CYSLTR2: variants seen among roughly 807,000 people sequenced by gnomAD.
CYSLTR2 encodes cysteinyl leukotriene receptor 2.
For synonymous variants in CYSLTR2, 179 were observed against 160.8 expected (o/e 1.11, Z -0.86); for missense variants, 398 against 411.9 (o/e 0.97, Z 0.29).
chr13:48,660,443 T>C (rs1953099272), intron 1 of CYSLTR2, among the ~76,000 whole-genome samples: 1 of 152,140 alleles, frequency 6.6e-6, no homozygotes, highest in African/African-American at 2.4e-5. Context: ...AAGTGACTCA[T>C]ACTTTGGGGG....
intron 1 of CYSLTR2, among the ~76,000 whole-genome samples, chr13:48,660,463 G>T (rs1274153417): frequency 1.3e-5 from 2 of 152,204 alleles, no homozygotes; most frequent in African/African-American, 4.8e-5. Context: ...GCTCCTTGAG[G>T]CACTTTGTGG....
chr13:48,684,718 A>G (rs1953852828), intron 1 of CYSLTR2, among the ~76,000 whole-genome samples: 1 of 152,142 alleles, frequency 6.6e-6, no homozygotes, highest in Non-Finnish European at 1.5e-5. Context: ...AACCCCAGGT[A>G]CCTGTGAAAG....
rs1455620025 is a variant in CYSLTR2 at position 48,710,773 on chromosome 13, G to GA, written c.*2918dup. On this transcript the variant is annotated 3_prime_UTR_variant, in exon 5 of 5. Coordinates refer to ENST00000682523, the MANE Select transcript of CYSLTR2 (RefSeq NM_001308476.3). ...AATTTGTGGGTGGAAGACATGAACA[G>GA]AAATGTGTTCCAATTGACAGCAATC... 6.6e-6 allele frequency: 1 copy of GA among 152,222 alleles called. No individual in the cohort carries two copies. Among genetic ancestry groups the GA allele is most frequent in the Non-Finnish European group, 1.5e-5 (1 of 68,048 alleles). The allele number at this position is 152,222 out of a possible 1,614,324, so 9.4% of individuals were successfully genotyped here. A position where few individuals can be genotyped will look rare whatever the true frequency, so the allele number is the denominator to read the frequency against.
At chr13:48,679,614 G>A (rs1159096238) in intron 1 of CYSLTR2, among the ~76,000 whole-genome samples, 1 of 152,200 alleles carries the variant, frequency 6.6e-6, no homozygotes, top group Non-Finnish European at 1.5e-5. Flanking sequence ...TCAAGTAAGA[G>A]TAGCAAGGAT....
intron 1 of CYSLTR2, among the ~76,000 whole-genome samples, chr13:48,667,845 T>C (rs906300269): frequency 1.3e-5 from 2 of 152,180 alleles, no homozygotes; most frequent in African/African-American, 2.4e-5. Flanking sequence ...AGCTGCAGAT[T>C]GCAGGGTGGG....
chr13:48,698,463 G>A (rs1954253965), intron 4 of CYSLTR2, among the ~76,000 whole-genome samples: 1 of 152,128 alleles, frequency 6.6e-6, no homozygotes, highest in Non-Finnish European at 1.5e-5. Flanking sequence ...TTACAGACAA[G>A]CAAATGCTGA....
intron 1 of CYSLTR2, among the ~76,000 whole-genome samples, chr13:48,672,872 T>C (rs1267226873): frequency 2.0e-5 from 3 of 152,162 alleles, no homozygotes; most frequent in Non-Finnish European, 4.4e-5. Context: ...TGCCTTGGCC[T>C]CCCAAAGTAC....
chr13:48,686,114 T>C (rs1046851547), intron 1 of CYSLTR2, among the ~76,000 whole-genome samples: 5 of 152,198 alleles, frequency 3.3e-5, no homozygotes, highest in East Asian at 1.9e-4. Flanking sequence ...TTTGACATCA[T>C]TTACATGCCA....
chr13:48,663,646 ATTGT>A (rs1027709595), intron 1 of CYSLTR2, among the ~76,000 whole-genome samples: 1 of 151,632 alleles, frequency 6.6e-6, no homozygotes, highest in Non-Finnish European at 1.5e-5. Context: ...CAGCTAGTTC[ATTGT>A]TTGTGTAGAA....
intron 1 of CYSLTR2, among the ~76,000 whole-genome samples, chr13:48,675,674 A>T (rs529183584): frequency 6.6e-6 from 1 of 151,956 alleles, no homozygotes; most frequent in East Asian, 1.9e-4. Flanking sequence ...TCTTGCTGGC[A>T]TTCCAGGCTC....
chr13:48,673,108 A>T (rs1953487191), intron 1 of CYSLTR2, among the ~76,000 whole-genome samples: 1 of 152,180 alleles, frequency 6.6e-6, no homozygotes, highest in African/African-American at 2.4e-5. Flanking sequence ...AGTTCTGTAG[A>T]TGTCTATTAG....
At chr13:48,695,192 A>T (rs1210657450) in intron 3 of CYSLTR2, among the ~76,000 whole-genome samples, 1 of 147,658 alleles carries the variant, frequency 6.8e-6, no homozygotes, top group African/African-American at 2.5e-5. Context: ...CTCTCATCTC[A>T]GCCTCCTGAG....
intron 1 of CYSLTR2, among the ~76,000 whole-genome samples, chr13:48,654,317 G>C (rs1288921089): frequency 2.3e-5 from 3 of 129,684 alleles, no homozygotes; most frequent in Non-Finnish European, 4.9e-5. Context: ...GTGTGTGTGT[G>C]TGTGTGTGTA....
intron 1 of CYSLTR2, among the ~76,000 whole-genome samples, chr13:48,679,558 T>C (rs1953694070): frequency 1.3e-5 from 2 of 152,192 alleles, no homozygotes; most frequent in Admixed American, 1.3e-4. Flanking sequence ...TGCACTTTGG[T>C]CTTCTTATCT....
chr13:48,656,312 T>C (rs2138791464), intron 1 of CYSLTR2, among the ~76,000 whole-genome samples: 1 of 152,356 alleles, frequency 6.6e-6, no homozygotes, highest in East Asian at 1.9e-4. Context: ...TATCTGAGTT[T>C]TGTACATTAT....
chr13:48,699,582 T>G (rs1192795959), intron 4 of CYSLTR2, among the ~76,000 whole-genome samples: 1 of 151,966 alleles, frequency 6.6e-6, no homozygotes, highest in Non-Finnish European at 1.5e-5. Context: ...ATCTAAAATT[T>G]ACACCCTAAC....
At chr13:48,656,035 T>C (rs760039612) in intron 1 of CYSLTR2, among the ~76,000 whole-genome samples, 8 of 152,158 alleles carry the variant, frequency 5.3e-5, no homozygotes, top group Non-Finnish European at 1.0e-4. Flanking sequence ...ATAAGTGTGC[T>C]CATTTTTGTT....
chr13:48,680,795 C>CTTTTTTTTTTTTTTTTTT (rs1268529678), intron 1 of CYSLTR2, among the ~76,000 whole-genome samples: 23 of 110,584 alleles, frequency 2.1e-4, no homozygotes, highest in African/African-American at 6.6e-4. Context: ...CTTTTCTTTT[C>CTTTTTTTTTTTTTTTTTT]TTTTCTTTTT....
At chr13:48,673,631 TA>T (rs1191166658) in intron 1 of CYSLTR2, among the ~76,000 whole-genome samples, 1 of 152,124 alleles carries the variant, frequency 6.6e-6, no homozygotes, top group Non-Finnish European at 1.5e-5. Context: ...CATTTAAGGT[TA>T]ATATTGTTAT....
Sources: gnomAD v4.1 joint callset for allele counts (sites outside exome capture counted in the v4.1 genomes callset) on GRCh38, gnomAD v4.1.1 for gene constraint, MANE v1.5 for transcripts, NCBI Gene and HGNC (gene_info 2026-07-23, HGNC 2026-07-21) for gene names.